The following MYO1E variants were observed in gnomAD, a reference collection of about 807,000 sequenced individuals.
MYO1E encodes myosin IE.
A neutral mutation model predicts 151.1 loss-of-function variants in MYO1E; 68 were observed. The ratio of observed to expected loss-of-function variants is 0.45; its 90% CI spans 0.37 to 0.55. The LOEUF is 0.55. Among genes scored for constraint, MYO1E ranks in the 20% least tolerant of loss-of-function variants. MYO1E has a pLI of 0.00. For synonymous variants in MYO1E, 601 were observed against 501.7 expected (o/e 1.20, Z -2.64); for missense variants, 1,363 against 1,389.3 (o/e 0.98, Z 0.30).
rs149622476 is a variant in MYO1E at position 59,175,750 on chromosome 15, C to T, written c.2050-1510G>A. On this transcript the variant is annotated intron_variant, in intron 19 of 27. Transcript: ENST00000288235. ...TCTTCTTTCCCAGAACTATTTTGGG[C>T]GTATCACAGAAAATACACTTGTGAC... 1.6e-3 allele frequency among the ~76,000 whole-genome samples: 251 copies of T among 152,216 alleles called. 2 individuals are homozygous for T. The highest frequency in any genetic ancestry group is 3.5e-3 in the African/African-American group (144 of 41,534).
intron 1 of MYO1E, among the ~76,000 whole-genome samples, chr15:59,289,513 G>A (rs1240711965): frequency 6.6e-6 from 1 of 152,074 alleles, no homozygotes; most frequent in Non-Finnish European, 1.5e-5. Flanking sequence ...AAAGTGCATA[G>A]ACCCCACTTT....
chr15:59,291,550 A>G (rs1462042659), intron 1 of MYO1E, among the ~76,000 whole-genome samples: 2 of 151,912 alleles, frequency 1.3e-5, no homozygotes, highest in Non-Finnish European at 2.9e-5. Context: ...AAGAGAACAA[A>G]GGTGGCCAGG....
chr15:59,301,365 T>C (rs1367079985), intron 1 of MYO1E, among the ~76,000 whole-genome samples: 1 of 152,206 alleles, frequency 6.6e-6, no homozygotes, highest in African/African-American at 2.4e-5. Context: ...AAATTTCCCT[T>C]CTCTTTTCCT....
intron 24 of MYO1E, 73 bp downstream of exon 24, chr15:59,161,000 T>C (rs1204729946): frequency 2.0e-5 from 32 of 1,572,342 alleles, no homozygotes; most frequent in African/African-American, 5.4e-5. Context: ...TCTGTGCACA[T>C]GTTTGCAGCA....
Position 59,362,976 on chromosome 15 carries a change from C to CTTTTTT in MYO1E, c.3+9516_3+9521dup, listed in dbSNP as rs34810328. Reference sequence around the variant, plus strand: ...TTAGAGAGCCTTCTAGTATGACTTTCTTTTTTTTTTTTTTTTTGAGACGGA... The same window carrying CTTTTTT: ...TTAGAGAGCCTTCTAGTATGACTTTCTTTTTTTTTTTTTTTTTTTTTTTGAGACGGA... On this transcript the variant is annotated intron_variant, in intron 1 of 27. Transcript: ENST00000288235. Among the ~76,000 whole-genome samples the CTTTTTT allele has an allele frequency of 1.6e-4, 20 of 127,580 alleles. 2 individuals carry two copies. Among genetic ancestry groups the CTTTTTT allele is most frequent in the South Asian group, 2.4e-4 (1 of 4,236 alleles). The allele number at this position is 127,580 out of a possible 152,430, so 83.7% of individuals were successfully genotyped here.
chr15:59,237,881 C>T (rs958757061), intron 4 of MYO1E, among the ~76,000 whole-genome samples: 1 of 152,162 alleles, frequency 6.6e-6, no homozygotes, highest in South Asian at 2.1e-4. Flanking sequence ...GGCCATATAG[C>T]GAAACTCAGA....
intron 1 of MYO1E, among the ~76,000 whole-genome samples, chr15:59,327,293 C>T (rs560150952): frequency 6.6e-6 from 1 of 151,052 alleles, no homozygotes; most frequent in East Asian, 1.9e-4. Flanking sequence ...TCTCCATATA[C>T]CTGCTTTTTA....
At chr15:59,247,759 A>G (rs1196238865) in intron 4 of MYO1E, among the ~76,000 whole-genome samples, 3 of 152,208 alleles carry the variant, frequency 2.0e-5, no homozygotes, top group Admixed American at 6.5e-5. Flanking sequence ...TGGAGCCTAC[A>G]TATCTGTAGA....
chr15:59,338,334 C>T (rs2080742790), intron 1 of MYO1E, among the ~76,000 whole-genome samples: 1 of 148,514 alleles, frequency 6.7e-6, no homozygotes, highest in Non-Finnish European at 1.5e-5. Context: ...TCTTCCACAG[C>T]ACATAGTACG....
chr15:59,182,316 G>A lies in MYO1E; in HGVS notation c.1905-3779C>T, dbSNP rs1272336297. On this transcript the variant is annotated intron_variant, in intron 18 of 27. Coordinates refer to ENST00000288235, the MANE Select transcript of MYO1E (RefSeq NM_004998.4). ...CAACCTGCGCCTCCCGGGTTCAAGC[G>A]ATTCTCCTGCCTCAGCCTTCTGAGT... Among the ~76,000 whole-genome samples, 6 of 152,182 alleles carry A rather than the reference G, an allele frequency of 3.9e-5. 1 individual carries two copies. Among genetic ancestry groups the A allele is most frequent in the African/African-American group, 1.2e-4 (5 of 41,510 alleles).
chr15:59,271,669 A>G (rs1250432454), intron 2 of MYO1E, among the ~76,000 whole-genome samples: 1 of 152,254 alleles, frequency 6.6e-6, no homozygotes. Flanking sequence ...ACAACTGAAG[A>G]ACGTCAAGCA....
At chr15:59,343,166 C>T (rs1421753215) in intron 1 of MYO1E, among the ~76,000 whole-genome samples, 1 of 152,168 alleles carries the variant, frequency 6.6e-6, no homozygotes, top group East Asian at 1.9e-4. Flanking sequence ...TTGAAGAACT[C>T]CCTTTAGCAT....
chr15:59,164,616 C>T (rs2079554463), intron 22 of MYO1E, among the ~76,000 whole-genome samples: 1 of 152,192 alleles, frequency 6.6e-6, no homozygotes, highest in African/African-American at 2.4e-5. Context: ...ATCCTTCTTC[C>T]ATGTAAAATC....
At position 59,159,071 on chromosome 15, in the gene MYO1E, A is replaced by T. The variant is rs775513911; in HGVS notation, c.2786-692T>A. ...ACAGGAAGGAAGGTAGGATTAAACC[A>T]GCTGGAAGAGGGGTGCAGAGGGAAT... On this transcript the variant is annotated intron_variant, in intron 24 of 27. Transcript: ENST00000288235. The surrounding 1 kb of genome is among the most constrained non-coding windows in gnomAD (Gnocchi z 4.4). 6.6e-6 allele frequency among the ~76,000 whole-genome samples: 1 copy of T among 152,226 alleles called. No homozygotes were observed. The highest frequency in any genetic ancestry group is 1.5e-5 in the Non-Finnish European group (1 of 68,032).
intron 1 of MYO1E, among the ~76,000 whole-genome samples, chr15:59,352,583 C>A (rs538098419): frequency 2.6e-5 from 4 of 152,300 alleles, no homozygotes; most frequent in Admixed American, 6.5e-5. Context: ...TGCCACTTTT[C>A]AGATGGGTAA....
At chr15:59,353,603 A>G (rs970490043) in intron 1 of MYO1E, among the ~76,000 whole-genome samples, 9 of 149,736 alleles carry the variant, frequency 6.0e-5, no homozygotes, top group African/African-American at 2.2e-4. Context: ...TAAAAATACA[A>G]AAAAATAGCC....
chr15:59,322,988 C>T (rs545647386), intron 1 of MYO1E, among the ~76,000 whole-genome samples: 10 of 143,920 alleles, frequency 6.9e-5, no homozygotes, highest in African/African-American at 1.9e-4. Context: ...GGTGAAACTC[C>T]GTCTCTACTA....
At chr15:59,210,296 T>C (rs879884284) in intron 13 of MYO1E, among the ~76,000 whole-genome samples, 3 of 151,276 alleles carry the variant, frequency 2.0e-5, no homozygotes, top group Non-Finnish European at 2.9e-5. Flanking sequence ...CTTCCATTTG[T>C]ACATTGACAT....
At position 59,217,967 on chromosome 15, in the gene MYO1E, T is replaced by C. The variant is rs2079929958; in HGVS notation, c.1031A>G (p.Asn344Ser). ...GKSESIHVTL[N>S]VEQACYTRDA... Reference sequence around the variant, plus strand: ...CCGGGTGTAACAGGCCTGCTCTACGTTGAGGGTCACGTGGATGGATTCGGA... The same window carrying C: ...CCGGGTGTAACAGGCCTGCTCTACGCTGAGGGTCACGTGGATGGATTCGGA... The change falls in exon 10 of 28, where the codon AAC (asparagine) becomes AGC (serine). Residue 344 changes from asparagine (N) to serine (S), a missense_variant. Physicochemically the swap from Asn to Ser is conservative, Grantham distance 46. Transcript: ENST00000288235. 1.2e-6 allele frequency: 2 copies of C among 1,614,238 alleles called. No individual in the cohort carries two copies. Among genetic ancestry groups the C allele is most frequent in the South Asian group, 1.1e-5 (1 of 91,086 alleles).
Sources: gnomAD v4.1 joint callset for allele counts (sites outside exome capture counted in the v4.1 genomes callset) on GRCh38, gnomAD v4.1.1 for gene constraint, Gnocchi (gnomAD v3.1) non-coding constraint, MANE v1.5 for transcripts, NCBI Gene and HGNC (gene_info 2026-07-23, HGNC 2026-07-21) for gene names.